B3GALT1: variants seen among roughly 807,000 people sequenced by gnomAD.
B3GALT1 encodes the protein UDP-Gal:betaGlcNAc beta 1,3-galactosyltransferase, polypeptide 1.
A neutral mutation model predicts 23.2 loss-of-function variants in B3GALT1; 10 were observed. The observed-to-expected ratio is 0.43, with a 90% CI of 0.27 to 0.73. The LOEUF (loss-of-function observed/expected upper bound fraction) is 0.73. B3GALT1 is among the 30% of genes least tolerant of loss of function. The pLI, the probability that B3GALT1 is intolerant of heterozygous loss-of-function variation, is 0.21. For synonymous variants in B3GALT1, 156 were observed against 141.5 expected, an observed-to-expected ratio of 1.10 and a Z score of -0.73; for missense variants, 299 against 405.4, an observed-to-expected ratio of 0.74 and a Z score of 2.25.
chr2:167,837,226 G>T (rs1283605366), intron 4 of B3GALT1, among the ~76,000 whole-genome samples: 1 of 152,156 alleles, frequency 6.6e-6, no homozygotes, highest in African/African-American at 2.4e-5. Context: ...AAAAGACACA[G>T]ACTGGAAAAT....
chr2:167,326,045 A>G (rs191685127), intron 1 of B3GALT1, among the ~76,000 whole-genome samples: 1 of 151,256 alleles, frequency 6.6e-6, no homozygotes, highest in Non-Finnish European at 1.5e-5. Flanking sequence ...GCTGCACTAA[A>G]TGTCTAAAAG....
intron 3 of B3GALT1, among the ~76,000 whole-genome samples, chr2:167,659,237 G>A: frequency 6.7e-6 from 1 of 148,628 alleles, no homozygotes; most frequent in African/African-American, 2.5e-5. Flanking sequence ...AGTTCCATGT[G>A]TTTTTTTTTT....
chr2:167,519,191 C>T (rs995986934), intron 2 of B3GALT1, among the ~76,000 whole-genome samples: 2 of 152,048 alleles, frequency 1.3e-5, no homozygotes, highest in African/African-American at 2.4e-5. Context: ...ATGGACTCAG[C>T]GCATTTCTCC....
chr2:167,464,920 A>G (rs1699321713), intron 1 of B3GALT1, among the ~76,000 whole-genome samples: 1 of 152,238 alleles, frequency 6.6e-6, no homozygotes, highest in South Asian at 2.1e-4. Context: ...ATGTGTTCAC[A>G]TAAATAAGAT....
intron 3 of B3GALT1, among the ~76,000 whole-genome samples, chr2:167,772,624 A>T (rs1688091844): frequency 6.6e-6 from 1 of 152,208 alleles, no homozygotes. Flanking sequence ...AATGTTCCTC[A>T]TTTTTAGATA....
intron 4 of B3GALT1, among the ~76,000 whole-genome samples, chr2:167,832,421 C>T (rs1040319706): frequency 6.6e-6 from 1 of 152,138 alleles, no homozygotes; most frequent in African/African-American, 2.4e-5. Flanking sequence ...CTGTCAATCC[C>T]CCAGCAAAAT....
chr2:167,741,315 T>C (rs1687573698), intron 3 of B3GALT1, among the ~76,000 whole-genome samples: 1 of 152,150 alleles, frequency 6.6e-6, no homozygotes, highest in African/African-American at 2.4e-5. Flanking sequence ...ACTGAGCACA[T>C]TCTAACAAAT....
chr2:167,636,061 G>C (rs937554580), intron 2 of B3GALT1, among the ~76,000 whole-genome samples: 8 of 151,904 alleles, frequency 5.3e-5, no homozygotes, highest in African/African-American at 1.9e-4. Flanking sequence ...TCTGATCTTT[G>C]ACAAACCCGA....
intron 3 of B3GALT1, among the ~76,000 whole-genome samples, chr2:167,790,185 C>T (rs1688409826): frequency 6.6e-6 from 1 of 152,188 alleles, no homozygotes; most frequent in Non-Finnish European, 1.5e-5. Flanking sequence ...TCTCCTTTTA[C>T]ATATCTACTA....
chr2:167,829,211 C>T (rs1025822268), intron 4 of B3GALT1, among the ~76,000 whole-genome samples: 4 of 152,232 alleles, frequency 2.6e-5, no homozygotes, highest in South Asian at 4.2e-4. Context: ...AGGCCAGGTG[C>T]GGTGGCTCAC....
chr2:167,398,330 T>G (rs1397328261), intron 1 of B3GALT1, among the ~76,000 whole-genome samples: 8 of 152,062 alleles, frequency 5.3e-5, no homozygotes, highest in Admixed American at 1.3e-4. Flanking sequence ...ATTTGATTTG[T>G]TTTTGCCCCT....
intron 1 of B3GALT1, among the ~76,000 whole-genome samples, chr2:167,394,676 C>T (rs1698068307): frequency 1.3e-5 from 2 of 152,024 alleles, no homozygotes; most frequent in African/African-American, 4.8e-5. Flanking sequence ...ATTTTCTCTC[C>T]ATCCCTGAGG....
At chr2:167,340,036 A>G (rs182339480) in intron 1 of B3GALT1, among the ~76,000 whole-genome samples, 1 of 152,310 alleles carries the variant, frequency 6.6e-6, no homozygotes, top group East Asian at 1.9e-4. Context: ...CATGGATTCT[A>G]AAGCTGCACA....
At chr2:167,469,439 G>T (rs1262464254) in intron 1 of B3GALT1, among the ~76,000 whole-genome samples, 1 of 152,022 alleles carries the variant, frequency 6.6e-6, no homozygotes, top group Admixed American at 6.6e-5. Context: ...ACAAAATTTG[G>T]ACTATGAAAT....
At chr2:167,361,998 C>T (rs149125715) in intron 1 of B3GALT1, among the ~76,000 whole-genome samples, 6,145 of 152,056 alleles carry the variant, frequency 0.04, 274 homozygotes, top group Admixed American at 0.12. Flanking sequence ...CGATTGAACC[C>T]GGGAGGCGGA....
chr2:167,579,810 A>G (rs1447824999), intron 2 of B3GALT1, among the ~76,000 whole-genome samples: 3 of 152,044 alleles, frequency 2.0e-5, no homozygotes, highest in African/African-American at 7.2e-5. Context: ...ATTAGATTTC[A>G]TTAATCTGTC....
At chr2:167,605,187 CAT>C (rs1316839272) in intron 2 of B3GALT1, among the ~76,000 whole-genome samples, 12 of 152,328 alleles carry the variant, frequency 7.9e-5, no homozygotes, top group African/African-American at 2.9e-4. Flanking sequence ...GAAACATCAA[CAT>C]ATGCTTTTTT....
Position 167,575,359 on chromosome 2 carries a change from T to G in B3GALT1, c.-409-71550T>G, listed in dbSNP as rs528569156. On this transcript the variant is annotated intron_variant, in intron 2 of 4. Coordinates refer to ENST00000392690, the MANE Select transcript of B3GALT1 (RefSeq NM_020981.4). ...CCATGATTCCAGCCTACCAATTTGC[T>G]ATAGAACTCTAATGCTGTTTTACAG... Among the ~76,000 whole-genome samples the G allele has an allele frequency of 2.0e-5, 3 of 151,932 alleles. No homozygotes were observed. The South Asian group carries it at 6.2e-4, about 31-fold the overall frequency.
intron 2 of B3GALT1, among the ~76,000 whole-genome samples, chr2:167,562,024 T>C (rs1316287251): frequency 6.6e-6 from 1 of 152,202 alleles, no homozygotes; most frequent in African/African-American, 2.4e-5. Context: ...TTTAGACCAA[T>C]ATCCTTGATG....
Sources: allele counts gnomAD v4.1 joint callset (sites outside exome capture counted in the v4.1 genomes callset), GRCh38; gene constraint gnomAD v4.1.1; transcripts MANE v1.5; gene names NCBI Gene and HGNC (gene_info 2026-07-23, HGNC 2026-07-21).